The following ALKBH5 variants were observed in gnomAD, a reference collection of about 807,000 sequenced individuals.
ALKBH5 encodes the protein RNA demethylase ALKBH5.
Under a neutral mutation model 32.1 loss-of-function variants are expected in ALKBH5, and 2 were observed. The observed-to-expected ratio is 0.06, with a 90% CI of 0.03 to 0.20. The LOEUF (loss-of-function observed/expected upper bound fraction) is 0.20. ALKBH5 is among the 10% of genes least tolerant of loss of function. ALKBH5 has a pLI of 1.00. For synonymous variants in ALKBH5, 300 were observed against 231.7 expected, an observed-to-expected ratio of 1.29 and a Z score of -2.68; for missense variants, 352 against 559.5, an observed-to-expected ratio of 0.63 and a Z score of 3.74.
At chr17:18,206,277 T>C (rs2047268595) in intron 2 of ALKBH5, among the ~76,000 whole-genome samples, 1 of 152,180 alleles carries the variant, frequency 6.6e-6, no homozygotes, top group Non-Finnish European at 1.5e-5. Flanking sequence ...AGATGACTGC[T>C]CATGGTTGTG....
At chr17:18,199,920 C>A (rs952953844) in intron 2 of ALKBH5, among the ~76,000 whole-genome samples, 1 of 151,872 alleles carries the variant, frequency 6.6e-6, no homozygotes, top group Admixed American at 6.6e-5. Context: ...GCCTGACTAA[C>A]GTGATGAAAA....
At chr17:18,195,111 C>T (rs948454219) in intron 2 of ALKBH5, 76 bp downstream of exon 2, 19 of 1,268,810 alleles carry the variant, frequency 1.5e-5, no homozygotes, top group Non-Finnish European at 1.9e-5. Context: ...CCACTTAGAA[C>T]TCAGCTCCTA....
Position 18,183,903 on chromosome 17 carries a change from GCGGGC to G in ALKBH5, c.-330_-326del. ...GACGTCGTGCGGAGAGCTTTAAAGT[GCGGGC>G]CGGGCCGGGCGTCCGAGGGTCTGGT... On this transcript the variant is annotated 5_prime_UTR_variant, in exon 1 of 4. Transcript: ENST00000399138. 2.0e-6 allele frequency: 1 copy of G among 494,198 alleles called. No homozygotes were observed. Among genetic ancestry groups the G allele is most frequent in the Non-Finnish European group, 3.8e-6 (1 of 262,138 alleles). 30.6% of individuals were successfully genotyped at this position (494,198 alleles called of 1,614,324 possible).
chr17:18,193,889 C>T (rs2047191480), intron 1 of ALKBH5, among the ~76,000 whole-genome samples: 2 of 152,126 alleles, frequency 1.3e-5, no homozygotes. Flanking sequence ...GGCTGAGTTT[C>T]TGGGTGTGTA....
chr17:18,199,979 C>T (rs1168125283), intron 2 of ALKBH5, among the ~76,000 whole-genome samples: 1 of 151,754 alleles, frequency 6.6e-6, no homozygotes, highest in Non-Finnish European at 1.5e-5. Context: ...TGTCTGTGAT[C>T]CCAGCTACTG....
Position 18,196,287 on chromosome 17 carries a change from A to G in ALKBH5, c.851+1252A>G, listed in dbSNP as rs566949366. ...GAATAGGCGGGAATGCAGTGGCACC[A>G]TCTCGGCTCACTGCAACCTCTGCGT... On this transcript the variant is annotated intron_variant, in intron 2 of 3. Transcript: ENST00000399138. 6.0e-5 allele frequency among the ~76,000 whole-genome samples: 9 copies of G among 150,272 alleles called. 1 individual carries two copies. Among genetic ancestry groups the G allele is most frequent in the African/African-American group, 2.0e-4 (8 of 40,842 alleles).
chr17:18,198,809 A>G (rs2047219399), intron 2 of ALKBH5, among the ~76,000 whole-genome samples: 1 of 152,184 alleles, frequency 6.6e-6, no homozygotes, highest in Non-Finnish European at 1.5e-5. Flanking sequence ...CTTCATGCAC[A>G]TGTGCCCTTG....
At position 18,184,491 on chromosome 17, in the gene ALKBH5, G is replaced by A; in HGVS notation, c.248G>A (p.Arg83His). 2 of 1,612,934 alleles carry A rather than the reference G, an allele frequency of 1.2e-6. No individual in the cohort carries two copies. The highest frequency in any genetic ancestry group is 1.1e-5 in the South Asian group (1 of 91,078). ...EQQLQKEEEARKVKSGIRQMR... is the reference protein window; with the variant it reads ...EQQLQKEEEAHKVKSGIRQMR... ...CAGCTGCAGAAGGAGGAGGAGGCGC[G>A]CAAGGTGAAGAGCGGCATCCGCCAG... is the stretch of plus-strand genomic sequence containing the variant. Residue 83 changes from arginine to histidine, a missense_variant, in exon 1 of 4, where the codon CGC (arginine) becomes CAC (histidine). Physicochemically the swap from Arg to His is conservative, Grantham distance 29. Around this residue, in one of 4 missense-constraint regions of ALKBH5, gnomAD observed 144 missense variants for 125.8 expected, o/e 1.14. Coordinates refer to ENST00000399138, the MANE Select transcript of ALKBH5 (RefSeq NM_017758.4).
At position 18,190,602 on chromosome 17, in the gene ALKBH5, ATCT is replaced by A. The variant is rs1309973533; in HGVS notation, c.771-4349_771-4347del. On this transcript the variant is annotated intron_variant, in intron 1 of 3. Transcript: ENST00000399138. The stretch of plus-strand genomic sequence containing the variant: ...AGACACCTCATTTAATTTGCACCTA[ATCT>A]TCTGAGGAGGGGCTTGCTGTGATCT... 3.3e-5 allele frequency among the ~76,000 whole-genome samples: 5 copies of A among 151,884 alleles called. No homozygotes were observed. The East Asian group carries it at 9.6e-4, about 29-fold the overall frequency.
intron 1 of ALKBH5, among the ~76,000 whole-genome samples, chr17:18,194,201 C>T (rs1430568787): frequency 6.6e-6 from 1 of 151,908 alleles, no homozygotes; most frequent in Non-Finnish European, 1.5e-5. Flanking sequence ...CTCTGTTGCC[C>T]AGGTGCAGTG....
intron 1 of ALKBH5, among the ~76,000 whole-genome samples, chr17:18,188,211 A>G (rs1302664810): frequency 6.6e-6 from 1 of 152,276 alleles, no homozygotes; most frequent in Non-Finnish European, 1.5e-5. Flanking sequence ...TGCATGGGGC[A>G]GATTAAAACA....
rs1276996686 is a variant in ALKBH5 at position 18,183,895 on chromosome 17, T to C, written c.-349T>C. On this transcript the variant is annotated 5_prime_UTR_variant, in exon 1 of 4. Transcript: ENST00000399138. The stretch of plus-strand genomic sequence containing the variant: ...CTGCCCGTGACGTCGTGCGGAGAGC[T>C]TTAAAGTGCGGGCCGGGCCGGGCGT... The C allele has an allele frequency of 1.1e-5, 5 of 471,176 alleles. No homozygotes were observed. Among genetic ancestry groups the C allele is most frequent in the East Asian group, 1.3e-4 (2 of 15,188 alleles). The allele number at this position is 471,176 out of a possible 1,614,324, so 29.2% of individuals were successfully genotyped here.
intron 1 of ALKBH5, among the ~76,000 whole-genome samples, chr17:18,187,969 G>A (rs2047149750): frequency 6.6e-6 from 1 of 152,264 alleles, no homozygotes; most frequent in South Asian, 2.1e-4. Context: ...CATGGATGTT[G>A]GTGCGTCACA....
At chr17:18,187,113 G>C (rs142380234) in intron 1 of ALKBH5, among the ~76,000 whole-genome samples, 1 of 152,190 alleles carries the variant, frequency 6.6e-6, no homozygotes, top group Non-Finnish European at 1.5e-5. Context: ...GGAGGCCTCA[G>C]ACAGGAGGAT....
At chr17:18,196,267 G>A (rs955283396) in intron 2 of ALKBH5, among the ~76,000 whole-genome samples, 1 of 150,286 alleles carries the variant, frequency 6.7e-6, no homozygotes, top group African/African-American at 2.5e-5. Context: ...GGCTGGAATA[G>A]GCGGGAATGC....
intron 1 of ALKBH5, among the ~76,000 whole-genome samples, chr17:18,186,560 T>A (rs1210537078): frequency 6.6e-6 from 1 of 152,180 alleles, no homozygotes; most frequent in African/African-American, 2.4e-5. Context: ...AAGGCATTTT[T>A]TTTTGGTTTT....
intron 2 of ALKBH5, chr17:18,206,565 A>T (rs1238367694): frequency 1.2e-5 from 5 of 422,410 alleles, no homozygotes; most frequent in African/African-American, 2.0e-5. Flanking sequence ...AGGGTAGCAC[A>T]GCCTGTCATT....
At position 18,208,520 on chromosome 17, in the gene ALKBH5, T is replaced by G. The variant is rs757075961; in HGVS notation, c.*124T>G. 8.6e-7 allele frequency: 1 copy of G among 1,168,012 alleles called. No homozygotes were observed. Among genetic ancestry groups the G allele is most frequent in the South Asian group, 1.4e-5 (1 of 73,666 alleles). 72.4% of individuals were successfully genotyped at this position (1,168,012 alleles called of 1,614,324 possible). A position where few individuals can be genotyped will look rare whatever the true frequency, so the allele number is the denominator to read the frequency against. ...TTTTTTGTTTTTTGTTTTTTTTGAT[T>G]CTATATATTTTTCCTTGGTTTTGTT... On this transcript the variant is annotated 3_prime_UTR_variant, in exon 4 of 4. Coordinates refer to ENST00000399138, the MANE Select transcript of ALKBH5 (RefSeq NM_017758.4).
chr17:18,208,691 A>G lies in ALKBH5; in HGVS notation c.*295A>G. On this transcript the variant is annotated 3_prime_UTR_variant, in exon 4 of 4. Transcript: ENST00000399138. ...GTAGAGGTGGTGGAGCAGAGCAGCC[A>G]TCTTTTAAGTGGGGCTGTATCAGGC... 2 of 519,378 alleles carry G rather than the reference A, an allele frequency of 3.9e-6. No homozygotes were observed. The highest frequency in any genetic ancestry group is 3.7e-5 in the South Asian group (2 of 54,728). The allele number at this position is 519,378 out of a possible 1,614,324, so 32.2% of individuals were successfully genotyped here.
Sources: allele counts gnomAD v4.1 joint callset (sites outside exome capture counted in the v4.1 genomes callset), GRCh38; gene constraint gnomAD v4.1.1; regional missense constraint gnomAD v4.1.1; transcripts MANE v1.5; gene names NCBI Gene and HGNC (gene_info 2026-07-23, HGNC 2026-07-21).